The following THSD7A variants were observed in gnomAD, a reference collection of about 807,000 sequenced individuals.
THSD7A encodes the protein thrombospondin type-1 domain-containing protein 7A.
A neutral mutation model predicts 231.3 loss-of-function variants in THSD7A; 96 were observed. The observed-to-expected ratio is 0.41, with a 90% CI of 0.35 to 0.49. The LOEUF is 0.49. THSD7A is among the 20% of genes least tolerant of loss of function. The pLI is 0.05. For missense variants in THSD7A, 2,290 were observed against 2,070.2 expected (o/e 1.11, Z -2.06); for synonymous variants, 940 against 743.3 (o/e 1.26, Z -4.30).
chr7:11,484,457 A>G (rs753678275), intron 6 of THSD7A, among the ~76,000 whole-genome samples: 44 of 152,096 alleles, frequency 2.9e-4, no homozygotes, highest in Non-Finnish European at 5.4e-4. Flanking sequence ...AGGAGATTTC[A>G]TTGACCATAC....
intron 4 of THSD7A, among the ~76,000 whole-genome samples, chr7:11,549,258 T>C (rs1789526901): frequency 6.6e-6 from 1 of 151,946 alleles, no homozygotes. Context: ...GCTGGCAAGG[T>C]TGTGGAGAAA....
chr7:11,821,139 G>A lies in THSD7A; in HGVS notation c.190+10618C>T. 4.6e-6 allele frequency: 5 copies of A among 1,093,786 alleles called. No individual in the cohort carries two copies. In the Admixed American group the frequency reaches 7.0e-5, roughly 15 times the overall value. The allele number at this position is 1,093,786 out of a possible 1,614,324, so 67.8% of individuals were successfully genotyped here. A position where few individuals can be genotyped will look rare whatever the true frequency, so the allele number is the denominator to read the frequency against. On this transcript the variant is annotated intron_variant, in intron 1 of 27. Transcript: ENST00000423059. The stretch of plus-strand genomic sequence containing the variant: ...CCTCTTGCTCAGTTCCTCTATTTAG[G>A]TATTTAGTAAAGTGTTTATGTAATG...
intron 1 of THSD7A, among the ~76,000 whole-genome samples, chr7:11,753,796 G>C (rs1444705727): frequency 1.3e-5 from 2 of 151,952 alleles, no homozygotes; most frequent in Non-Finnish European, 2.9e-5. Context: ...GAGACAGAGA[G>C]AGAGAGAGAG....
intron 16 of THSD7A, among the ~76,000 whole-genome samples, chr7:11,424,105 G>C (rs1784240353): frequency 6.6e-6 from 1 of 152,164 alleles, no homozygotes; most frequent in African/African-American, 2.4e-5. Flanking sequence ...CCAACAGATA[G>C]CTGCCAGCCA....
At chr7:11,657,696 C>G (rs1782759877) in intron 1 of THSD7A, among the ~76,000 whole-genome samples, 1 of 151,802 alleles carries the variant, frequency 6.6e-6, no homozygotes, top group African/African-American at 2.4e-5. Context: ...CGAGTTTAAA[C>G]CATTCACAGA....
intron 6 of THSD7A, among the ~76,000 whole-genome samples, chr7:11,491,370 T>C (rs1446505936): frequency 2.6e-5 from 4 of 151,924 alleles, no homozygotes; most frequent in African/African-American, 7.2e-5. Flanking sequence ...CAGTGATCAG[T>C]AGGAGTACTA....
chr7:11,431,004 T>C (rs76521430), intron 13 of THSD7A, among the ~76,000 whole-genome samples: 294 of 152,346 alleles, frequency 1.9e-3, no homozygotes, highest in African/African-American at 6.8e-3. Flanking sequence ...CCCTTGAATA[T>C]ATACATTACA....
intron 1 of THSD7A, among the ~76,000 whole-genome samples, chr7:11,767,645 C>G (rs1486740816): frequency 6.6e-6 from 1 of 152,016 alleles, no homozygotes; most frequent in African/African-American, 2.4e-5. Flanking sequence ...AAAGTAAGTT[C>G]CAACAGGAAT....
intron 13 of THSD7A, among the ~76,000 whole-genome samples, chr7:11,438,927 G>C (rs1304586689): frequency 6.6e-6 from 1 of 151,876 alleles, no homozygotes; most frequent in Non-Finnish European, 1.5e-5. Flanking sequence ...TCAATACTTT[G>C]ACAGATATAT....
At chr7:11,528,789 G>T (rs1295237625) in intron 6 of THSD7A, among the ~76,000 whole-genome samples, 1 of 152,106 alleles carries the variant, frequency 6.6e-6, no homozygotes, top group Non-Finnish European at 1.5e-5. Flanking sequence ...CTCATATTGA[G>T]AATCAAAGGT....
chr7:11,830,586 C>A (rs1293181272), intron 1 of THSD7A, among the ~76,000 whole-genome samples: 1 of 152,168 alleles, frequency 6.6e-6, no homozygotes, highest in Non-Finnish European at 1.5e-5. Flanking sequence ...TTCATGTAAT[C>A]TTCTAAGACA....
rs1324330324 is a variant in THSD7A at position 11,486,225 on chromosome 7, C to T, written c.1823-4243G>A. ...AAGAGTAGCAGAAAATAATTTCATC[C>T]CTCTTCCTCACATTAAATTTTGTTT... On this transcript the variant is annotated intron_variant, in intron 6 of 27. Transcript: ENST00000423059. 4.6e-5 allele frequency among the ~76,000 whole-genome samples: 7 copies of T among 151,566 alleles called. No individual in the cohort carries two copies. In the East Asian group the frequency reaches 1.2e-3, roughly 25 times the overall value.
intron 1 of THSD7A, among the ~76,000 whole-genome samples, chr7:11,654,829 C>T (rs1782647046): frequency 6.6e-6 from 1 of 151,800 alleles, no homozygotes; most frequent in African/African-American, 2.4e-5. Context: ...CTACTGAAAT[C>T]GAACTCTGGC....
intron 5 of THSD7A, 43 bp from the exon 6 acceptor site, chr7:11,541,674 G>A: frequency 2.6e-6 from 4 of 1,555,936 alleles, no homozygotes; most frequent in Non-Finnish European, 3.5e-6. Flanking sequence ...ACTATCAAAG[G>A]TTTAGTATTT....
At chr7:11,419,317 C>G (rs926880982) in intron 16 of THSD7A, among the ~76,000 whole-genome samples, 2 of 152,100 alleles carry the variant, frequency 1.3e-5, no homozygotes, top group Non-Finnish European at 2.9e-5. Context: ...CAGATGTTCC[C>G]CTTGCTGTTC....
intron 9 of THSD7A, among the ~76,000 whole-genome samples, chr7:11,464,093 C>A (rs561268607): frequency 6.6e-6 from 1 of 152,088 alleles, no homozygotes; most frequent in Non-Finnish European, 1.5e-5. Context: ...CTATTCACTA[C>A]CTGGATTTGC....
intron 17 of THSD7A, 121 bp downstream of exon 17, chr7:11,417,328 TA>T: frequency 9.8e-7 from 1 of 1,015,384 alleles, no homozygotes. Context: ...CTTGCTTTGC[TA>T]AATATGGCAA....
chr7:11,507,128 G>A (rs769664338), intron 6 of THSD7A, among the ~76,000 whole-genome samples: 2 of 152,092 alleles, frequency 1.3e-5, no homozygotes, highest in African/African-American at 2.4e-5. Flanking sequence ...TCACAGTGAG[G>A]TACTATGGAC....
At chr7:11,812,140 T>TGTGTGA (rs377112108) in intron 1 of THSD7A, among the ~76,000 whole-genome samples, 5,085 of 146,976 alleles carry the variant, frequency 0.035, 224 homozygotes, top group African/African-American at 0.074. Context: ...TGTGTGTGTG[T>TGTGTGA]GGGAGACAGA....
Sources: allele counts gnomAD v4.1 joint callset (sites outside exome capture counted in the v4.1 genomes callset), GRCh38; gene constraint gnomAD v4.1.1; transcripts MANE v1.5; gene names NCBI Gene and HGNC (gene_info 2026-07-23, HGNC 2026-07-21).